Variants in GABRA3 observed in about 807,000 individuals in gnomAD.
The protein encoded by GABRA3 is gamma-aminobutyric acid receptor subunit alpha-3.
A neutral mutation model predicts 30.1 loss-of-function variants in GABRA3; 10 were observed. That is an observed-to-expected ratio of 0.33 (90% CI 0.20 to 0.56). The LOEUF is 0.56. Among genes scored for constraint, GABRA3 ranks in the 20% least tolerant of loss-of-function variants. The pLI, the probability that GABRA3 is intolerant of heterozygous loss-of-function variation, is 0.89. For missense variants in GABRA3, 233 were observed against 392.0 expected (o/e 0.59, Z 3.42); for synonymous variants, 151 against 146.8 (o/e 1.03, Z -0.21).
At chrX:152,199,714 C>G (rs1190109210) in intron 7 of GABRA3, among the ~76,000 whole-genome samples, 1 of 110,515 alleles carries the variant, frequency 9.0e-6, no homozygotes, top group African/African-American at 3.3e-5. Flanking sequence ...TTTTCACTCT[C>G]CCCATCCCCA....
At chrX:152,420,211 T>C (rs1257521967) in intron 1 of GABRA3, among the ~76,000 whole-genome samples, 1 of 111,549 alleles carries the variant, frequency 9.0e-6, no homozygotes, top group Admixed American at 9.5e-5. Context: ...AGGTCAGGAA[T>C]GAAATAGAAG....
Position 152,261,536 on chromosome X carries a change from T to A in GABRA3, c.331-5538A>T, listed in dbSNP as rs1218454702. ...CCAAACAAAGGGGCTACAGTCCCCA[T>A]GCAAGTCCAAAATCCAACAGTGCAG... is the stretch of plus-strand genomic sequence containing the variant. On this transcript the variant is annotated intron_variant, in intron 4 of 9. Coordinates refer to ENST00000370314, the MANE Select transcript of GABRA3 (RefSeq NM_000808.4). 3.6e-5 allele frequency among the ~76,000 whole-genome samples: 4 copies of A among 112,284 alleles called. No individual in the cohort carries two copies. The East Asian group carries it at 1.1e-3, about 32-fold the overall frequency.
intron 8 of GABRA3, among the ~76,000 whole-genome samples, chrX:152,194,449 A>G (rs758362288): frequency 1.8e-5 from 2 of 111,673 alleles, no homozygotes; most frequent in Non-Finnish European, 3.8e-5. Context: ...GCACAGATAT[A>G]GTGTGCTTTA....
chrX:152,186,176 C>T lies in GABRA3; in HGVS notation c.1143+3554G>A, dbSNP rs187969690. On this transcript the variant is annotated intron_variant, in intron 9 of 9. Transcript: ENST00000370314. Reference sequence around the variant, plus strand: ...CAGGGACCTCCATTCAGTTTGGTGTCTGTCAGTCCATCAGTCAATTTATTT... The same window carrying T: ...CAGGGACCTCCATTCAGTTTGGTGTTTGTCAGTCCATCAGTCAATTTATTT... Among the ~76,000 whole-genome samples, 452 of 110,926 alleles carry T rather than the reference C, an allele frequency of 4.1e-3. 4 individuals carry two copies. The highest frequency in any genetic ancestry group is 6.3e-3 in the Admixed American group (65 of 10,273).
chrX:152,265,785 A>C (rs1011437548), intron 4 of GABRA3, among the ~76,000 whole-genome samples: 1 of 111,753 alleles, frequency 8.9e-6, no homozygotes, highest in African/African-American at 3.2e-5. Context: ...AAATAAAATC[A>C]GAGATGAAAA....
At chrX:152,199,155 A>G (rs1489515882) in intron 7 of GABRA3, among the ~76,000 whole-genome samples, 4 of 110,733 alleles carry the variant, frequency 3.6e-5, no homozygotes, top group African/African-American at 9.8e-5. Context: ...TTACGAGGTC[A>G]GGAGATCGAG....
chrX:152,236,674 A>C (rs1424218882), intron 5 of GABRA3, among the ~76,000 whole-genome samples: 5 of 107,122 alleles, frequency 4.7e-5, no homozygotes, highest in African/African-American at 1.7e-4. Context: ...CTGACTTTTT[A>C]ATGATTGCCA....
chrX:152,400,023 G>C (rs1331192598), intron 1 of GABRA3, among the ~76,000 whole-genome samples: 2 of 111,597 alleles, frequency 1.8e-5, no homozygotes, highest in Non-Finnish European at 3.8e-5. Context: ...CCTCAACATT[G>C]CAAGTGAAAA....
At chrX:152,376,456 C>T (rs193044734) in intron 1 of GABRA3, among the ~76,000 whole-genome samples, 19 of 110,972 alleles carry the variant, frequency 1.7e-4, no homozygotes, top group Non-Finnish European at 2.5e-4. Context: ...ATGAGGTGAA[C>T]CTTCCCTATC....
At chrX:152,191,765 G>A (rs1055713484) in intron 8 of GABRA3, among the ~76,000 whole-genome samples, 1 of 110,364 alleles carries the variant, frequency 9.1e-6, no homozygotes, top group African/African-American at 3.3e-5. Context: ...AAAAGACTCC[G>A]TACAATTTCA....
At chrX:152,399,135 A>C (rs778306257) in intron 1 of GABRA3, among the ~76,000 whole-genome samples, 1 of 111,474 alleles carries the variant, frequency 9.0e-6, no homozygotes, top group African/African-American at 3.3e-5. Flanking sequence ...TAATTCTTGG[A>C]AGTATCTTAA....
In GABRA3 at chrX:152,167,999, A is replaced by G. The variant is rs1936956970; in HGVS notation, c.*229T>C. ...CAGACTAAGATGAGCAACTGGACAA[A>G]TGGCAGTGTTTGGCTTTGATGGGGT... On this transcript the variant is annotated 3_prime_UTR_variant, in exon 10 of 10. Coordinates refer to ENST00000370314, the MANE Select transcript of GABRA3 (RefSeq NM_000808.4). 1 of 408,807 alleles carries G rather than the reference A, an allele frequency of 2.4e-6. No individual in the cohort carries two copies. The highest frequency in any genetic ancestry group is 4.6e-5 in the South Asian group (1 of 21,694). The allele number at this position is 408,807 out of a possible 1,213,427, so 33.7% of individuals were successfully genotyped here.
intron 1 of GABRA3, among the ~76,000 whole-genome samples, chrX:152,432,382 T>G (rs1329519908): frequency 1.8e-5 from 2 of 111,468 alleles, no homozygotes; most frequent in Non-Finnish European, 3.8e-5. Context: ...TGATTTTAAA[T>G]TAAGACCTCA....
chrX:152,302,106 A>G (rs998750445), intron 3 of GABRA3, among the ~76,000 whole-genome samples: 13 of 111,836 alleles, frequency 1.2e-4, no homozygotes, highest in South Asian at 3.7e-4. Context: ...CAAATATTCC[A>G]AAAGAAGGCA....
chrX:152,410,442 T>C (rs915249548), intron 1 of GABRA3, among the ~76,000 whole-genome samples: 22 of 111,562 alleles, frequency 2.0e-4, no homozygotes, highest in African/African-American at 4.6e-4. Context: ...ATTTGATCAA[T>C]AGACATTGTA....
At chrX:152,231,146 T>G (rs1412969929) in intron 5 of GABRA3, among the ~76,000 whole-genome samples, 35 of 95,290 alleles carry the variant, frequency 3.7e-4, no homozygotes, top group African/African-American at 1.5e-3. Context: ...GAAGTGTATA[T>G]ATATATATAC....
intron 6 of GABRA3, among the ~76,000 whole-genome samples, chrX:152,222,692 T>C (rs1021723662): frequency 6.3e-5 from 7 of 110,603 alleles, no homozygotes; most frequent in Non-Finnish European, 1.1e-4. Flanking sequence ...TTTTCCACCG[T>C]AGAGTCTTCA....
intron 1 of GABRA3, among the ~76,000 whole-genome samples, chrX:152,409,473 T>C (rs889597996): frequency 8.9e-6 from 1 of 111,959 alleles, no homozygotes; most frequent in African/African-American, 3.3e-5. Context: ...CAAAGATTTA[T>C]TGACTAAGAC....
intron 4 of GABRA3, among the ~76,000 whole-genome samples, chrX:152,268,529 C>T (rs1344305222): frequency 8.9e-6 from 1 of 111,871 alleles, no homozygotes; most frequent in Non-Finnish European, 1.9e-5. Flanking sequence ...TATAAATTAC[C>T]CATTCCTGGG....
Sources: gnomAD v4.1 joint callset for allele counts (sites outside exome capture counted in the v4.1 genomes callset) on GRCh38, gnomAD v4.1.1 for gene constraint, MANE v1.5 for transcripts, NCBI Gene and HGNC (gene_info 2026-07-23, HGNC 2026-07-21) for gene names.